Variants in FAM81A observed in about 807,000 individuals in gnomAD.
The protein encoded by FAM81A is protein FAM81A.
A neutral mutation model predicts 46.7 loss-of-function variants in FAM81A; 19 were observed. The observed-to-expected ratio is 0.41, with a 90% CI of 0.28 to 0.60. FAM81A has a LOEUF of 0.60. Among genes scored for constraint, FAM81A ranks in the 20% least tolerant of loss-of-function variants. FAM81A has a pLI of 0.34. For synonymous variants in FAM81A, 183 were observed against 152.9 expected (o/e 1.20, Z -1.45); for missense variants, 377 against 453.5 (o/e 0.83, Z 1.53).
At chr15:59,429,554 T>G (rs765247900) in intron 2 of FAM81A, among the ~76,000 whole-genome samples, 1 of 152,152 alleles carries the variant, frequency 6.6e-6, no homozygotes, top group Non-Finnish European at 1.5e-5. Flanking sequence ...CACTATTATC[T>G]CCCCTTGGAA....
At chr15:59,467,835 G>A (rs1182940631) in intron 3 of FAM81A, among the ~76,000 whole-genome samples, 1 of 152,132 alleles carries the variant, frequency 6.6e-6, no homozygotes, top group South Asian at 2.1e-4. Context: ...TATGATATTG[G>A]CTGTGGGTTT....
chr15:59,455,193 C>T (rs2081468787), intron 1 of FAM81A, among the ~76,000 whole-genome samples: 1 of 152,014 alleles, frequency 6.6e-6, no homozygotes, highest in Non-Finnish European at 1.5e-5. Flanking sequence ...CAGTGCCTGG[C>T]CCCAGAGTTT....
intron 1 of FAM81A, among the ~76,000 whole-genome samples, chr15:59,400,739 C>T (rs1473718901): frequency 1.3e-5 from 2 of 152,160 alleles, no homozygotes; most frequent in African/African-American, 4.8e-5. Flanking sequence ...CCAGTGAATC[C>T]CAGTCTCTTT....
chr15:59,401,520 T>C (rs549656607), intron 1 of FAM81A: 12 of 749,006 alleles, frequency 1.6e-5, no homozygotes, highest in South Asian at 3.0e-5. Flanking sequence ...GGTATTCTTG[T>C]AAAGCCATCT....
At chr15:59,476,570 G>T (rs1004901657) in intron 3 of FAM81A, among the ~76,000 whole-genome samples, 3 of 152,182 alleles carry the variant, frequency 2.0e-5, no homozygotes, top group Non-Finnish European at 4.4e-5. Flanking sequence ...TGGATCACTT[G>T]AGGTCAGGAG....
intron 3 of FAM81A, among the ~76,000 whole-genome samples, chr15:59,475,220 C>G (rs1163902136): frequency 6.6e-6 from 1 of 152,090 alleles, no homozygotes; most frequent in Non-Finnish European, 1.5e-5. Flanking sequence ...TCTCAGCTCA[C>G]TGCAACCTCC....
chr15:59,403,053 C>T (rs1480770026), intron 2 of FAM81A, among the ~76,000 whole-genome samples: 6 of 151,988 alleles, frequency 3.9e-5, no homozygotes, highest in African/African-American at 1.5e-4. Context: ...GGTTCTAGTT[C>T]ATTTAGTTCA....
intron 2 of FAM81A, among the ~76,000 whole-genome samples, chr15:59,429,107 T>C (rs1423168195): frequency 6.6e-6 from 1 of 152,230 alleles, no homozygotes; most frequent in Non-Finnish European, 1.5e-5. Context: ...TGGAAATAAG[T>C]TTCCCTCAGG....
chr15:59,445,080 G>GTCAGATTTCAGTGTGGTGAAAAC (rs1411949083), intron 1 of FAM81A: 1 of 152,242 alleles, frequency 6.6e-6, no homozygotes, highest in African/African-American at 2.4e-5. Flanking sequence ...GAGGTTGAAA[G>GTCAGATTTCAGTGTGGTGAAAAC]TCAGATTTCA....
chr15:59,507,058 G>C (rs1283287288), intron 4 of FAM81A, among the ~76,000 whole-genome samples, 155 bp from the exon 5 acceptor site: 1 of 152,318 alleles, frequency 6.6e-6, no homozygotes, highest in East Asian at 1.9e-4. Context: ...ACCATAATGA[G>C]GCCAGCTCTT....
At chr15:59,479,523 A>G (rs1248560871) in intron 3 of FAM81A, among the ~76,000 whole-genome samples, 3 of 131,584 alleles carry the variant, frequency 2.3e-5, no homozygotes, top group African/African-American at 9.3e-5. Flanking sequence ...AAATAAGAAA[A>G]AAAAAAAAAA....
chr15:59,465,515 C>T (rs1218207507), intron 3 of FAM81A, among the ~76,000 whole-genome samples: 7 of 152,250 alleles, frequency 4.6e-5, no homozygotes, highest in Non-Finnish European at 8.8e-5. Flanking sequence ...TCAGGTGATC[C>T]GCCCATCTCG....
At chr15:59,513,048 A>T (rs2082229681) in intron 6 of FAM81A, among the ~76,000 whole-genome samples, 1 of 152,314 alleles carries the variant, frequency 6.6e-6, no homozygotes, top group South Asian at 2.1e-4. Context: ...TGTTCATGTT[A>T]TCACTATTTA....
intron 7 of FAM81A, among the ~76,000 whole-genome samples, chr15:59,516,428 C>G (rs542560174): frequency 6.6e-6 from 1 of 152,182 alleles, no homozygotes; most frequent in Non-Finnish European, 1.5e-5. Context: ...CCGCACCCAG[C>G]CTGAAAATGT....
At chr15:59,498,081 T>C (rs2082052992) in intron 4 of FAM81A, among the ~76,000 whole-genome samples, 1 of 152,124 alleles carries the variant, frequency 6.6e-6, no homozygotes, top group African/African-American at 2.4e-5. Context: ...AATTCCTGGT[T>C]TCAAGTGATC....
At chr15:59,462,594 A>G (rs1431728327) in intron 3 of FAM81A, among the ~76,000 whole-genome samples, 1 of 152,186 alleles carries the variant, frequency 6.6e-6, no homozygotes. Flanking sequence ...GGCAATCATT[A>G]TTACTGTCTA....
intron 3 of FAM81A, among the ~76,000 whole-genome samples, chr15:59,463,722 G>A (rs548586850): frequency 1.0e-4 from 14 of 134,548 alleles, no homozygotes; most frequent in Non-Finnish European, 1.7e-4. Flanking sequence ...AAGAAATAAT[G>A]TATAGATCCA....
intron 4 of FAM81A, among the ~76,000 whole-genome samples, chr15:59,503,233 CAAAAAAAAAAA>C (rs769759845): frequency 2.8e-5 from 1 of 35,344 alleles, no homozygotes; most frequent in Non-Finnish European, 5.6e-5. Flanking sequence ...GAGACTGTCT[CAAAAAAAAAAA>C]AAAAAAAAAA....
intron 3 of FAM81A, among the ~76,000 whole-genome samples, chr15:59,487,101 A>T (rs1269819072): frequency 6.7e-6 from 1 of 150,262 alleles, no homozygotes; most frequent in Non-Finnish European, 1.5e-5. Context: ...GTACAATAAG[A>T]TATGAATAGA....
Sources: gnomAD v4.1 joint callset for allele counts (sites outside exome capture counted in the v4.1 genomes callset) on GRCh38, gnomAD v4.1.1 for gene constraint, MANE v1.5 for transcripts, NCBI Gene and HGNC (gene_info 2026-07-23, HGNC 2026-07-21) for gene names.